HYDIN: variants seen among roughly 807,000 people sequenced by gnomAD.
HYDIN encodes axonemal central pair apparatus protein HYDIN.
Under a neutral mutation model 403.9 loss-of-function variants are expected in HYDIN, and 132 were observed. That is an observed-to-expected ratio of 0.33 (90% CI 0.28 to 0.38). HYDIN has a LOEUF of 0.38. HYDIN is among the 10% of genes least tolerant of loss of function. The pLI is 1.00. For synonymous variants in HYDIN, 1,202 were observed against 1,891.7 expected (o/e 0.64, Z 9.46); for missense variants, 2,827 against 5,009.5 (o/e 0.56, Z 13.15).
At chr16:70,894,970 G>A (rs1440613984) in intron 54 of HYDIN, among the ~76,000 whole-genome samples, 1 of 152,164 alleles carries the variant, frequency 6.6e-6, no homozygotes, top group South Asian at 2.1e-4. Context: ...CCCACGATAT[G>A]GTGGTTCCAT....
intron 35 of HYDIN, 114 bp from the exon 36 acceptor site, chr16:70,970,873 T>G: frequency 2.1e-6 from 2 of 975,322 alleles, no homozygotes; most frequent in Non-Finnish European, 3.0e-6. Context: ...GGAGAAAACT[T>G]ATTATAAAAT....
At chr16:70,813,595 T>C (rs557302659) in intron 84 of HYDIN, among the ~76,000 whole-genome samples, 3 of 152,304 alleles carry the variant, frequency 2.0e-5, no homozygotes, top group African/African-American at 7.2e-5. Flanking sequence ...TGTTTTAAGT[T>C]GCTAAGTTTT....
intron 41 of HYDIN, among the ~76,000 whole-genome samples, chr16:70,946,108 C>T (rs555609950): frequency 6.9e-6 from 1 of 145,246 alleles, no homozygotes; most frequent in Non-Finnish European, 1.5e-5. Context: ...AGGAATTTAG[C>T]CATTGGATAA....
intron 19 of HYDIN, among the ~76,000 whole-genome samples, chr16:71,030,199 T>C (rs1413502307): frequency 6.6e-6 from 1 of 151,890 alleles, no homozygotes; most frequent in Non-Finnish European, 1.5e-5. Flanking sequence ...AACAGGCATG[T>C]GACATCATGC....
intron 45 of HYDIN, among the ~76,000 whole-genome samples, chr16:70,921,848 A>G (rs1026731396): frequency 6.6e-6 from 1 of 152,222 alleles, no homozygotes; most frequent in African/African-American, 2.4e-5. Flanking sequence ...GGCTTTTAAA[A>G]TATGTATTTA....
chr16:71,209,861 A>G (rs928591123), intron 1 of HYDIN, among the ~76,000 whole-genome samples: 3 of 152,246 alleles, frequency 2.0e-5, no homozygotes, highest in Non-Finnish European at 4.4e-5. Flanking sequence ...GAAAATGACA[A>G]AACACTGTTC....
intron 20 of HYDIN, chr16:71,027,236 G>C (rs1285276065): frequency 1.8e-6 from 2 of 1,123,612 alleles, no homozygotes; most frequent in African/African-American, 3.4e-5. Flanking sequence ...GCAGCCCAGA[G>C]TGTCGATATA....
intron 18 of HYDIN, among the ~76,000 whole-genome samples, chr16:71,046,749 T>C (rs1413239545): frequency 2.0e-5 from 3 of 152,246 alleles, no homozygotes; most frequent in Non-Finnish European, 4.4e-5. Context: ...TAAATCTCTA[T>C]ACTATGCTAC....
At chr16:71,182,237 T>C (rs549902825) in intron 3 of HYDIN, among the ~76,000 whole-genome samples, 2 of 152,224 alleles carry the variant, frequency 1.3e-5, no homozygotes, top group South Asian at 4.2e-4. Context: ...TTAGATTTTA[T>C]TATATGAGTA....
rs769121025 is a variant in HYDIN, at chr16:70,808,032, GT to G, written c.14913del (p.Lys4971AsnfsTer33). 1 of 1,613,082 alleles carries G rather than the reference GT, an allele frequency of 6.2e-7. No homozygotes were observed. ...RTDCTDFHAE[K>X]LINAAPGGQG... is the part of the protein sequence containing the mutation. ...TGGCCTCCTGGGGCTGCATTAATGA[GT>G]TTTTCTGCGTGGAAGTCTGTACAGT... is the stretch of plus-strand genomic sequence containing the variant. On this transcript the variant is annotated frameshift_variant, in exon 86 of 86. Coordinates refer to ENST00000393567, the MANE Select transcript of HYDIN (RefSeq NM_001270974.2). LOFTEE classifies it high-confidence loss of function.
chr16:70,840,989 T>TATTC (rs1246245695), intron 75 of HYDIN, among the ~76,000 whole-genome samples: 1 of 152,190 alleles, frequency 6.6e-6, no homozygotes, highest in Non-Finnish European at 1.5e-5. Flanking sequence ...AATTATCTAT[T>TATTC]ATTCATTCTA....
At chr16:71,195,885 A>C (rs562017736) in intron 1 of HYDIN, among the ~76,000 whole-genome samples, 1 of 152,326 alleles carries the variant, frequency 6.6e-6, no homozygotes, top group South Asian at 2.1e-4. Flanking sequence ...CTGCTTCTCC[A>C]TGGGAAAGTA....
intron 9 of HYDIN, among the ~76,000 whole-genome samples, chr16:71,116,233 T>TTTA (rs2084024431): frequency 6.8e-6 from 1 of 146,280 alleles, no homozygotes; most frequent in Admixed American, 6.8e-5. Context: ...GTTAGACCTT[T>TTTA]TTTTTTTTTT....
At chr16:71,171,123 C>T (rs2086444849) in intron 5 of HYDIN, among the ~76,000 whole-genome samples, 1 of 152,228 alleles carries the variant, frequency 6.6e-6, no homozygotes, top group Admixed American at 6.5e-5. Flanking sequence ...TGCTCCAGCC[C>T]CACTGGCCTT....
At chr16:71,070,172 GAGACTCCTCTCTTAA>G (rs2082415929) in intron 13 of HYDIN, among the ~76,000 whole-genome samples, 1 of 152,166 alleles carries the variant, frequency 6.6e-6, no homozygotes, top group Non-Finnish European at 1.5e-5. Context: ...TTTGTTCCGT[GAGACTCCTCTCTTAA>G]GAGATGTGGA....
rs757610604 is a variant in HYDIN, at chr16:70,985,192, G to A, written c.4325C>T (p.Pro1442Leu). ...NLLPGVPLIL[P>L]VSGFISSHQE... ...CTCCCACCATTTACTTACAGACACA[G>A]GCAGGATTAGTGGCACTCCAGGGAG... The change falls in exon 28 of 86, where the codon CCT (proline) becomes CTT (leucine). Residue 1442 changes from proline to leucine, a missense_variant. Transcript: ENST00000393567. 6.2e-7 allele frequency: 1 copy of A among 1,610,692 alleles called. No individual in the cohort carries two copies. Among genetic ancestry groups the A allele is most frequent in the Non-Finnish European group, 8.5e-7 (1 of 1,178,278 alleles).
At chr16:70,851,049 G>A (rs890231637) in intron 73 of HYDIN, among the ~76,000 whole-genome samples, 1 of 151,764 alleles carries the variant, frequency 6.6e-6, no homozygotes, top group African/African-American at 2.4e-5. Context: ...ATGGATCAAA[G>A]ATTTAAATGT....
chr16:71,181,123 T>C (rs1688174775), intron 3 of HYDIN, among the ~76,000 whole-genome samples: 1 of 151,544 alleles, frequency 6.6e-6, no homozygotes, highest in African/African-American at 2.4e-5. Context: ...TACACTATTT[T>C]CATAAATTAA....
chr16:71,020,419 T>C, intron 21 of HYDIN, 102 bp from the exon 22 acceptor site: 1 of 1,429,798 alleles, frequency 7.0e-7, no homozygotes, highest in South Asian at 1.4e-5. Context: ...TTTAGCAATC[T>C]TTCTTTTTCT....
Sources: allele counts gnomAD v4.1 joint callset (sites outside exome capture counted in the v4.1 genomes callset), GRCh38; gene constraint gnomAD v4.1.1; transcripts MANE v1.5; gene names NCBI Gene and HGNC (gene_info 2026-07-23, HGNC 2026-07-21).